SMOC2: variants seen among roughly 807,000 people sequenced by gnomAD.
SMOC2 encodes the protein SPARC related modular calcium binding 2, also known as SPARC-related modular calcium-binding protein 2.
In SMOC2, 39 loss-of-function variants were observed where a neutral mutation model predicts 61.4. The observed-to-expected ratio is 0.64, with a 90% CI of 0.49 to 0.83. SMOC2 has a LOEUF of 0.83. Among genes scored for constraint, SMOC2 ranks in the 40% least tolerant of loss-of-function variants. The pLI is 0.00. For synonymous variants in SMOC2, 247 were observed against 239.9 expected, an observed-to-expected ratio of 1.03 and a Z score of -0.27; for missense variants, 556 against 592.9, an observed-to-expected ratio of 0.94 and a Z score of 0.65.
chr6:168,549,000 T>A, intron 6 of SMOC2, 129 bp from the exon 7 acceptor site: 2 of 693,322 alleles, frequency 2.9e-6, no homozygotes, highest in Non-Finnish European at 5.2e-6. Flanking sequence ...AACTATTTCT[T>A]TACAAATGTA....
chr6:168,471,900 TTTG>T (rs1301674806), intron 1 of SMOC2, among the ~76,000 whole-genome samples: 22 of 152,240 alleles, frequency 1.4e-4, no homozygotes, highest in Non-Finnish European at 2.5e-4. Flanking sequence ...TTGGGTTATT[TTTG>T]TTGTTGTTGA....
chr6:168,565,348 G>A (rs1266007433), intron 7 of SMOC2, among the ~76,000 whole-genome samples: 6 of 152,288 alleles, frequency 3.9e-5, no homozygotes, highest in African/African-American at 9.6e-5. Context: ...CCTGGTGAGG[G>A]CTCTCTCTCT....
At chr6:168,660,152 GA>G (rs1787472450) in intron 11 of SMOC2, among the ~76,000 whole-genome samples, 3 of 152,106 alleles carry the variant, frequency 2.0e-5, no homozygotes, top group African/African-American at 7.2e-5. Flanking sequence ...ATTAGATAAA[GA>G]AAATGAAAGT....
intron 4 of SMOC2, among the ~76,000 whole-genome samples, chr6:168,538,876 A>T (rs1783812165): frequency 6.6e-6 from 1 of 152,008 alleles, no homozygotes; most frequent in Admixed American, 6.6e-5. Context: ...GGTGCAGATA[A>T]AAAGGCCCTT....
At chr6:168,650,809 C>T (rs535401452) in intron 10 of SMOC2, 26 bp downstream of exon 10, 3 of 1,590,522 alleles carry the variant, frequency 1.9e-6, no homozygotes, top group East Asian at 2.3e-5. Context: ...CGTGGGACAA[C>T]AAGTTGGCAG....
chr6:168,497,804 A>G (rs1325738789), intron 1 of SMOC2, among the ~76,000 whole-genome samples: 5 of 152,160 alleles, frequency 3.3e-5, no homozygotes, highest in Non-Finnish European at 7.3e-5. Context: ...GCCCCCCACA[A>G]AGCAAAATAA....
At chr6:168,663,296 AGACG>A (rs547916545) in intron 11 of SMOC2, among the ~76,000 whole-genome samples, 239 of 152,352 alleles carry the variant, frequency 1.6e-3, no homozygotes, top group South Asian at 6.4e-3. Flanking sequence ...TGAAGCCAGG[AGACG>A]GACAGCACAG....
intron 2 of SMOC2, among the ~76,000 whole-genome samples, chr6:168,524,527 A>G (rs1027954832): frequency 6.6e-6 from 1 of 152,240 alleles, no homozygotes; most frequent in Non-Finnish European, 1.5e-5. Context: ...CTTTCTTGGC[A>G]TGTTCCATGA....
chr6:168,502,150 T>G (rs1782745759), intron 1 of SMOC2, among the ~76,000 whole-genome samples: 1 of 152,202 alleles, frequency 6.6e-6, no homozygotes, highest in Non-Finnish European at 1.5e-5. Flanking sequence ...ATACCCTATA[T>G]TCATTTAAAT....
At chr6:168,447,830 C>CA (rs58077336) in intron 1 of SMOC2, among the ~76,000 whole-genome samples, 2,146 of 93,426 alleles carry the variant, frequency 0.023, 31 homozygotes, top group African/African-American at 0.059. Context: ...AGTTTGTTGG[C>CA]AAAAAAAAAA....
At chr6:168,606,024 C>T (rs532472853) in intron 8 of SMOC2, among the ~76,000 whole-genome samples, 81 of 152,272 alleles carry the variant, frequency 5.3e-4, no homozygotes, top group Middle Eastern at 3.4e-3. Flanking sequence ...GACACTGACC[C>T]GGAGCTTGAA....
chr6:168,531,366 T>C (rs1783597618), intron 4 of SMOC2, among the ~76,000 whole-genome samples: 1 of 152,246 alleles, frequency 6.6e-6, no homozygotes, highest in African/African-American at 2.4e-5. Flanking sequence ...GAATTTAAAA[T>C]GTTAAAACGT....
chr6:168,526,385 A>G lies in SMOC2; in HGVS notation c.296A>G (p.Glu99Gly), dbSNP rs1200300176. The G allele has an allele frequency of 1.9e-6, 3 of 1,614,076 alleles. No individual in the cohort carries two copies. Among genetic ancestry groups the G allele is most frequent in the East Asian group, 2.2e-5 (1 of 44,900 alleles). The change falls in exon 3 of 13, where the codon GAG becomes GGG. Residue 99 changes from glutamate (E) to glycine (G), a missense_variant. Glu to Gly is a moderately conservative substitution (Grantham distance 98). Transcript: ENST00000356284. ...GTGGCCGAAAGGAAGTATACCCAGGAGCAAGCCCGGAAGGAGTTTCAGCAA... is the reference window on the plus strand; with the variant it reads ...GTGGCCGAAAGGAAGTATACCCAGGGGCAAGCCCGGAAGGAGTTTCAGCAA... The part of the protein sequence containing the change: ...RCVAERKYTQ[E>G]QARKEFQQVF...
intron 8 of SMOC2, among the ~76,000 whole-genome samples, chr6:168,599,503 GACACTC>G (rs1453907364): frequency 1.3e-3 from 28 of 21,212 alleles, no homozygotes; most frequent in Non-Finnish European, 1.7e-3. Context: ...CACACCCACT[GACACTC>G]ACACACACAC....
chr6:168,445,460 G>GT (rs751210298), intron 1 of SMOC2, among the ~76,000 whole-genome samples: 31 of 152,308 alleles, frequency 2.0e-4, no homozygotes, highest in South Asian at 4.1e-4. Context: ...TTTTTTTAAA[G>GT]TTTCATTAGC....
chr6:168,527,039 G>A (rs557036373), intron 3 of SMOC2, among the ~76,000 whole-genome samples: 30 of 152,340 alleles, frequency 2.0e-4, no homozygotes, highest in Non-Finnish European at 2.9e-4. Flanking sequence ...TGGCACAGGG[G>A]CAGAAAGAGC....
chr6:168,451,710 C>T (rs1781472343), intron 1 of SMOC2, among the ~76,000 whole-genome samples: 1 of 152,122 alleles, frequency 6.6e-6, no homozygotes. Context: ...CTGACCTGAA[C>T]ATACACGTCC....
chr6:168,498,660 G>A (rs2609327), intron 1 of SMOC2, among the ~76,000 whole-genome samples: 1 of 152,168 alleles, frequency 6.6e-6, no homozygotes, highest in Non-Finnish European at 1.5e-5. Context: ...GACGGCCAGG[G>A]CCCATAGCCT....
At chr6:168,659,614 T>TTTCCTGGTTG (rs1189528107) in intron 11 of SMOC2, among the ~76,000 whole-genome samples, 3 of 150,302 alleles carry the variant, frequency 2.0e-5, no homozygotes, top group East Asian at 1.9e-4. Flanking sequence ...GTGGAGGTTG[T>TTTCCTGGTTG]AGGCTGAGTG....
Sources: gnomAD v4.1 joint callset for allele counts (sites outside exome capture counted in the v4.1 genomes callset) on GRCh38, gnomAD v4.1.1 for gene constraint, MANE v1.5 for transcripts, NCBI Gene and HGNC (gene_info 2026-07-23, HGNC 2026-07-21) for gene names.